PARP12: variants seen among roughly 807,000 people sequenced by gnomAD.
PARP12 encodes the protein protein mono-ADP-ribosyltransferase PARP12.
Under a neutral mutation model 72.4 loss-of-function variants are expected in PARP12, and 59 were observed. The ratio of observed to expected loss-of-function variants is 0.81; its 90% CI spans 0.66 to 1.01. The LOEUF is 1.01. PARP12 is among the 50% of genes least tolerant of loss of function. PARP12 has a pLI of 0.00. For synonymous variants in PARP12, 403 were observed against 371.4 expected (o/e 1.09, Z -0.98); for missense variants, 851 against 914.0 (o/e 0.93, Z 0.89).
At chr7:140,060,758 C>A (rs1354790299) in intron 1 of PARP12, among the ~76,000 whole-genome samples, 1 of 152,184 alleles carries the variant, frequency 6.6e-6, no homozygotes, top group East Asian at 1.9e-4. Context: ...CTCCCCTGGA[C>A]TGCCTCATCC....
chr7:140,051,791 T>C (rs565035734), intron 4 of PARP12, among the ~76,000 whole-genome samples: 1 of 152,288 alleles, frequency 6.6e-6, no homozygotes, highest in Admixed American at 6.5e-5. Flanking sequence ...TCTTGCAAAA[T>C]TGCCCTTGAT....
chr7:140,057,221 C>T, intron 2 of PARP12, 68 bp from the exon 3 acceptor site: 1 of 1,458,160 alleles, frequency 6.9e-7, no homozygotes, highest in South Asian at 1.3e-5. Flanking sequence ...CCCCAGTGGC[C>T]AGTCCACTGG....
intron 6 of PARP12, among the ~76,000 whole-genome samples, chr7:140,039,460 T>G (rs1371644426): frequency 2.0e-5 from 3 of 151,934 alleles, no homozygotes; most frequent in Non-Finnish European, 2.9e-5. Flanking sequence ...AGTGGGAGGT[T>G]TGGAAGGAGA....
At chr7:140,027,041 T>A (rs186427911) in intron 10 of PARP12, among the ~76,000 whole-genome samples, 1 of 152,290 alleles carries the variant, frequency 6.6e-6, no homozygotes, top group East Asian at 1.9e-4. Context: ...CCACCACTCA[T>A]GAACGGGACC....
At position 140,062,851 on chromosome 7, in the gene PARP12, C is replaced by T. The variant is rs1817532849; in HGVS notation, c.-4G>A. 3 of 1,328,750 alleles carry T rather than the reference C, an allele frequency of 2.3e-6. No homozygotes were observed. The highest frequency in any genetic ancestry group is 6.6e-5 in the East Asian group (2 of 30,408). 82.3% of individuals were successfully genotyped at this position (1,328,750 alleles called of 1,614,324 possible). A position where few individuals can be genotyped will look rare whatever the true frequency, so the allele number is the denominator to read the frequency against. ...CGACGACGCCGGCCTGGGCCATGGC[C>T]GCTGGGCCTGCTCCCGTCGGACCGC... On this transcript the variant is annotated 5_prime_UTR_variant, in exon 1 of 12. Transcript: ENST00000263549.
intron 4 of PARP12, among the ~76,000 whole-genome samples, chr7:140,052,472 A>T (rs1196756793): frequency 1.3e-5 from 2 of 152,162 alleles, no homozygotes; most frequent in African/African-American, 2.4e-5. Flanking sequence ...TTTGTAAAGC[A>T]TCAATGATTT....
chr7:140,033,367 G>T (rs1313554261), intron 8 of PARP12: 10 of 985,252 alleles, frequency 1.0e-5, no homozygotes, highest in African/African-American at 1.7e-5. Context: ...AGAACCAAAA[G>T]AGACATTGTT....
At chr7:140,051,582 G>T (rs1294111131) in intron 4 of PARP12, among the ~76,000 whole-genome samples, 1 of 151,938 alleles carries the variant, frequency 6.6e-6, no homozygotes, top group Non-Finnish European at 1.5e-5. Flanking sequence ...GTAGAGACAG[G>T]GTTTCACCAT....
intron 6 of PARP12, among the ~76,000 whole-genome samples, chr7:140,039,976 G>C (rs1174140226): frequency 6.6e-6 from 1 of 152,194 alleles, no homozygotes; most frequent in Non-Finnish European, 1.5e-5. Flanking sequence ...GACTGGAGGA[G>C]ACCGGCCCCA....
chr7:140,054,537 G>A, intron 4 of PARP12, 125 bp downstream of exon 4: 1 of 749,116 alleles, frequency 1.3e-6, no homozygotes, highest in South Asian at 1.9e-5. Context: ...TGGCCAAAGT[G>A]CCAAGCCCTG....
rs1815628418 is a variant in PARP12, at chr7:140,024,106, G to C, written c.*454C>G. 1 of 279,924 alleles carries C rather than the reference G, an allele frequency of 3.6e-6. No individual in the cohort carries two copies. Among genetic ancestry groups the C allele is most frequent in the South Asian group, 3.5e-5 (1 of 28,326 alleles). 17.3% of individuals were successfully genotyped at this position (279,924 alleles called of 1,614,324 possible). A position where few individuals can be genotyped will look rare whatever the true frequency, so the allele number is the denominator to read the frequency against. On this transcript the variant is annotated 3_prime_UTR_variant, in exon 12 of 12. Transcript: ENST00000263549. Reference sequence around the variant, plus strand: ...TGCCTGGGTTGGTGTCAGAGCAACAGGCAGAAGTGACTGTGCCGCCCGTGG... The same window carrying C: ...TGCCTGGGTTGGTGTCAGAGCAACACGCAGAAGTGACTGTGCCGCCCGTGG...
At chr7:140,032,948 T>C (rs1315263690) in intron 8 of PARP12, among the ~76,000 whole-genome samples, 1 of 152,072 alleles carries the variant, frequency 6.6e-6, no homozygotes, top group Admixed American at 6.5e-5. Context: ...TCAAAAACAA[T>C]AATAATAATA....
chr7:140,042,781 A>G (rs760086846), intron 5 of PARP12, among the ~76,000 whole-genome samples: 1 of 152,252 alleles, frequency 6.6e-6, no homozygotes, highest in Non-Finnish European at 1.5e-5. Flanking sequence ...CAAGCCTCAC[A>G]GAAGTTTTAG....
chr7:140,058,768 C>T (rs1340138101), intron 1 of PARP12, among the ~76,000 whole-genome samples: 1 of 152,068 alleles, frequency 6.6e-6, no homozygotes, highest in African/African-American at 2.4e-5. Context: ...TTTTCAGAAA[C>T]ACTTCCTGAC....
intron 9 of PARP12, among the ~76,000 whole-genome samples, chr7:140,028,321 C>T (rs1815814547): frequency 6.6e-6 from 1 of 152,176 alleles, no homozygotes. Flanking sequence ...ATTGGTTAAG[C>T]CCAGCCCATA....
chr7:140,044,238 T>C (rs1236041477), intron 5 of PARP12, among the ~76,000 whole-genome samples: 1 of 152,212 alleles, frequency 6.6e-6, no homozygotes, highest in Non-Finnish European at 1.5e-5. Context: ...CAAGAAGATA[T>C]GCTGAAGGTC....
chr7:140,058,168 A>G (rs1038669572), intron 1 of PARP12, 134 bp from the exon 2 acceptor site: 1 of 1,012,490 alleles, frequency 9.9e-7, no homozygotes, highest in African/African-American at 1.6e-5. Context: ...AATTAAGTTA[A>G]AAAGAGGTCC....
intron 9 of PARP12, among the ~76,000 whole-genome samples, 162 bp downstream of exon 9, chr7:140,028,451 A>G (rs1801079678): frequency 6.6e-6 from 1 of 152,128 alleles, no homozygotes; most frequent in Non-Finnish European, 1.5e-5. Flanking sequence ...CCTCTGCAAA[A>G]AACAAAAACA....
intron 7 of PARP12, among the ~76,000 whole-genome samples, chr7:140,036,762 A>T (rs1185143641): frequency 6.6e-6 from 1 of 152,186 alleles, no homozygotes; most frequent in African/African-American, 2.4e-5. Flanking sequence ...GAACTGAATA[A>T]AGCTGGACCG....
Sources: gnomAD v4.1 joint callset for allele counts (sites outside exome capture counted in the v4.1 genomes callset) on GRCh38, gnomAD v4.1.1 for gene constraint, MANE v1.5 for transcripts, NCBI Gene and HGNC (gene_info 2026-07-23, HGNC 2026-07-21) for gene names.